THRAP3: variants seen among roughly 807,000 people sequenced by gnomAD.
THRAP3 encodes the protein thyroid hormone receptor-associated protein 3.
A neutral mutation model predicts 101.0 loss-of-function variants in THRAP3; 16 were observed. That is an observed-to-expected ratio of 0.16 (90% CI 0.11 to 0.24). THRAP3 has a LOEUF of 0.24. Ranked by LOEUF, THRAP3 falls within the 10% of genes least tolerant of loss-of-function variation. The pLI, the probability that THRAP3 is intolerant of heterozygous loss-of-function variation, is 1.00. For synonymous variants in THRAP3, 407 were observed against 422.6 expected (o/e 0.96, Z 0.45); for missense variants, 989 against 1,202.7 (o/e 0.82, Z 2.63).
intron 1 of THRAP3, among the ~76,000 whole-genome samples, chr1:36,238,032 A>G (rs970586780): frequency 2.6e-5 from 4 of 151,888 alleles, no homozygotes; most frequent in African/African-American, 7.3e-5. Context: ...GACGGGTTTC[A>G]CCGTGTTAGC....
intron 2 of THRAP3, among the ~76,000 whole-genome samples, chr1:36,266,850 A>C (rs1557431980): frequency 6.9e-6 from 1 of 144,226 alleles, no homozygotes; most frequent in South Asian, 2.3e-4. Context: ...TATAATACGA[A>C]TATTTATTTA....
chr1:36,246,278 A>G (rs1445084072), intron 1 of THRAP3, among the ~76,000 whole-genome samples: 1 of 152,144 alleles, frequency 6.6e-6, no homozygotes, highest in Non-Finnish European at 1.5e-5. Flanking sequence ...AGACCTTGTC[A>G]TTGGAGAAAA....
intron 1 of THRAP3, among the ~76,000 whole-genome samples, chr1:36,247,640 T>A (rs979284457): frequency 2.6e-5 from 4 of 152,088 alleles, no homozygotes; most frequent in Non-Finnish European, 5.9e-5. Context: ...AAATTAACTT[T>A]TAATTGTCAA....
chr1:36,221,708 C>T (rs774482606), upstream of THRAP3, among the ~76,000 whole-genome samples: 4 of 151,904 alleles, frequency 2.6e-5, no homozygotes, highest in Non-Finnish European at 5.9e-5. Flanking sequence ...CTCAACATCC[C>T]GAGTAGCTGG....
intron 2 of THRAP3, among the ~76,000 whole-genome samples, chr1:36,268,466 G>A (rs1489376304): frequency 6.6e-6 from 1 of 152,080 alleles, no homozygotes; most frequent in Admixed American, 6.6e-5. Context: ...CTTAATTGCT[G>A]TACTTTAAAG....
intron 4 of THRAP3, chr1:36,288,852 T>G: frequency 1.0e-6 from 1 of 985,368 alleles, no homozygotes; most frequent in Non-Finnish European, 1.2e-6. Flanking sequence ...GATCATATAT[T>G]TTTCTCTTAA....
chr1:36,268,605 C>T (rs1419963198), intron 2 of THRAP3, among the ~76,000 whole-genome samples: 2 of 152,188 alleles, frequency 1.3e-5, no homozygotes, highest in East Asian at 1.9e-4. Context: ...TGGGCTCAAG[C>T]GATACTCCTG....
chr1:36,235,605 AT>A (rs1645076000), intron 1 of THRAP3, among the ~76,000 whole-genome samples: 1 of 152,206 alleles, frequency 6.6e-6, no homozygotes, highest in Admixed American at 6.6e-5. Context: ...TGACAAAAAA[AT>A]ATGATGATTA....
At chr1:36,274,910 C>A (rs1018809183) in intron 2 of THRAP3, among the ~76,000 whole-genome samples, 2 of 149,462 alleles carry the variant, frequency 1.3e-5, no homozygotes, top group African/African-American at 4.9e-5. Flanking sequence ...GGATTACAGG[C>A]GTGAGCCACT....
chr1:36,246,853 T>C (rs960099107), intron 1 of THRAP3, among the ~76,000 whole-genome samples: 1 of 151,348 alleles, frequency 6.6e-6, no homozygotes, highest in Non-Finnish European at 1.5e-5. Flanking sequence ...AATAAATAAA[T>C]AAATAAATAA....
At chr1:36,227,687 G>A (rs1304989537) in intron 1 of THRAP3, among the ~76,000 whole-genome samples, 1 of 152,124 alleles carries the variant, frequency 6.6e-6, no homozygotes, top group Admixed American at 6.6e-5. Context: ...TTAGTTAAGA[G>A]ACCGAAGATG....
At chr1:36,291,962 T>G (rs1021229151) in intron 6 of THRAP3, among the ~76,000 whole-genome samples, 1 of 152,116 alleles carries the variant, frequency 6.6e-6, no homozygotes, top group African/African-American at 2.4e-5. Flanking sequence ...CTAAGAGAAG[T>G]GATGGAGAAG....
chr1:36,296,617 T>G lies in THRAP3; in HGVS notation c.2150T>G (p.Leu717Arg), dbSNP rs1645954359. ...EGKYKDDPVD[L>R]RLDIERRKKH... The stretch of plus-strand genomic sequence containing the variant: ...AAATACAAAGATGATCCTGTTGATC[T>G]CCGCCTTGATATTGAACGTCGTAAA... The change falls in exon 9 of 12, where the codon CTC becomes CGC. Residue 717 changes from leucine to arginine, a missense_variant. Transcript: ENST00000354618. 1 of 1,584,180 alleles carries G rather than the reference T, an allele frequency of 6.3e-7. No individual in the cohort carries two copies. Among genetic ancestry groups the G allele is most frequent in the East Asian group, 2.3e-5 (1 of 44,140 alleles).
At chr1:36,296,096 C>A (rs1181930717) in intron 8 of THRAP3, among the ~76,000 whole-genome samples, 1 of 150,588 alleles carries the variant, frequency 6.6e-6, no homozygotes, top group Non-Finnish European at 1.5e-5. Flanking sequence ...GCTTTAGCCT[C>A]CCTAGTAGCT....
rs1363227713 is a variant in THRAP3 at position 36,290,888 on chromosome 1, C to CTT, written c.1746-485_1746-484insTT. Among the ~76,000 whole-genome samples, 3 of 152,330 alleles carry CTT rather than the reference C, an allele frequency of 2.0e-5. No homozygotes were observed. In the East Asian group the frequency reaches 5.8e-4, roughly 29 times the overall value. ...GTAAACTACTCAGGCAGCTGGAAGT[C>CTT]TATGTGAACAGCATTCCAGCCACAC... On this transcript the variant is annotated intron_variant, in intron 5 of 11. Coordinates refer to ENST00000354618, the MANE Select transcript of THRAP3 (RefSeq NM_005119.4).
chr1:36,283,166 A>G (rs777300455), intron 3 of THRAP3, among the ~76,000 whole-genome samples: 17 of 152,240 alleles, frequency 1.1e-4, no homozygotes, highest in Non-Finnish European at 2.1e-4. Flanking sequence ...ATTTGTATAC[A>G]ATGTGCCAAT....
chr1:36,270,343 A>G (rs1210555385), intron 2 of THRAP3, among the ~76,000 whole-genome samples: 1 of 152,092 alleles, frequency 6.6e-6, no homozygotes, highest in Admixed American at 6.5e-5. Flanking sequence ...GCAGTGAGCT[A>G]TAATCGAGCC....
At chr1:36,213,316 C>T in the THRAP3 span, among the ~76,000 whole-genome samples, 1 of 152,010 alleles carries the variant, frequency 6.6e-6, no homozygotes, top group Non-Finnish European at 1.5e-5. Context: ...AGAGAGAGGC[C>T]TGGGAGATCT....
chr1:36,292,264 CTT>C (rs774003081), intron 6 of THRAP3, among the ~76,000 whole-genome samples: 2 of 20,570 alleles, frequency 9.7e-5, no homozygotes, highest in East Asian at 4.5e-3. Context: ...TTCTTTGTTT[CTT>C]TTTTTTTTTT....
Sources: gnomAD v4.1 joint callset for allele counts (sites outside exome capture counted in the v4.1 genomes callset) on GRCh38, gnomAD v4.1.1 for gene constraint, MANE v1.5 for transcripts, NCBI Gene and HGNC (gene_info 2026-07-23, HGNC 2026-07-21) for gene names.